The following PRKG1 variants were observed in gnomAD, a reference collection of about 807,000 sequenced individuals.
PRKG1 encodes protein kinase cGMP-dependent 1.
Under a neutral mutation model 88.1 loss-of-function variants are expected in PRKG1, and 35 were observed. The observed-to-expected ratio is 0.40, with a 90% CI of 0.30 to 0.53. The LOEUF (loss-of-function observed/expected upper bound fraction) is 0.53, where lower values mean the gene tolerates loss of function less well. Ranked by LOEUF, PRKG1 falls within the 20% of genes least tolerant of loss-of-function variation. The probability of loss-of-function intolerance (pLI) is 0.59; values close to 1 mark genes in which losing one functional copy is unlikely to be tolerated. For synonymous variants in PRKG1, 303 were observed against 292.5 expected, an observed-to-expected ratio of 1.04 and a Z score of -0.37; for missense variants, 540 against 839.8, an observed-to-expected ratio of 0.64 and a Z score of 4.41.
intron 3 of PRKG1, among the ~76,000 whole-genome samples, chr10:51,511,818 G>A (rs546346315): frequency 5.5e-4 from 83 of 152,200 alleles, no homozygotes; most frequent in African/African-American, 1.7e-3. Context: ...AGGTAGCAAC[G>A]ATCATAGTCA....
chr10:52,023,230 G>A (rs1374154807), intron 5 of PRKG1, among the ~76,000 whole-genome samples: 2 of 152,110 alleles, frequency 1.3e-5, no homozygotes, highest in Non-Finnish European at 2.9e-5. Flanking sequence ...CCATGTCCCT[G>A]CAAAGGACAT....
At chr10:51,760,715 G>C (rs1837998868) in intron 3 of PRKG1, among the ~76,000 whole-genome samples, 1 of 151,912 alleles carries the variant, frequency 6.6e-6, no homozygotes. Context: ...CAGGTGATCT[G>C]TCTGCCTCGG....
At chr10:52,239,773 C>T (rs1468975894) in intron 9 of PRKG1, among the ~76,000 whole-genome samples, 3 of 152,004 alleles carry the variant, frequency 2.0e-5, no homozygotes, top group Admixed American at 2.0e-4. Flanking sequence ...TTTTCCCAAA[C>T]TTCTGTAACG....
chr10:51,698,920 G>A, intron 3 of PRKG1: 2 of 1,614,186 alleles, frequency 1.2e-6, no homozygotes, highest in Non-Finnish European at 1.7e-6. Context: ...CAGGGCCAGA[G>A]ACAGACACAG....
chr10:52,089,804 CT>C (rs397846439), intron 7 of PRKG1, among the ~76,000 whole-genome samples: 2,517 of 67,560 alleles, frequency 0.037, 13 homozygotes, highest in Middle Eastern at 0.078. Context: ...TTCTTTCCTT[CT>C]TTTTTTTTTT....
At chr10:51,884,779 T>C (rs1207071493) in intron 4 of PRKG1, among the ~76,000 whole-genome samples, 1 of 152,182 alleles carries the variant, frequency 6.6e-6, no homozygotes, top group African/African-American at 2.4e-5. Flanking sequence ...AAATGTAAGC[T>C]ACAGGCCTTT....
At chr10:51,593,016 CAG>C (rs1838351466) in intron 3 of PRKG1, among the ~76,000 whole-genome samples, 1 of 152,122 alleles carries the variant, frequency 6.6e-6, no homozygotes, top group African/African-American at 2.4e-5. Context: ...ATTTAAAAGA[CAG>C]GTTTTGATAT....
At chr10:51,698,161 A>G in intron 3 of PRKG1, 3 of 1,613,084 alleles carry the variant, frequency 1.9e-6, no homozygotes, top group Non-Finnish European at 2.5e-6. Context: ...AACTGGGGAC[A>G]GGGCCCCTCA....
At chr10:51,771,290 T>C (rs990194381) in intron 3 of PRKG1, among the ~76,000 whole-genome samples, 4 of 152,218 alleles carry the variant, frequency 2.6e-5, no homozygotes, top group African/African-American at 9.6e-5. Context: ...TAAAAGATCA[T>C]ATGCAGTGCA....
intron 4 of PRKG1, among the ~76,000 whole-genome samples, chr10:51,861,301 G>C (rs147340087): frequency 6.6e-6 from 1 of 152,252 alleles, no homozygotes; most frequent in African/African-American, 2.4e-5. Context: ...TTGTCAACTT[G>C]GATAGAGTTT....
chr10:51,289,543 A>C (rs1395542835), intron 2 of PRKG1, among the ~76,000 whole-genome samples: 2 of 152,110 alleles, frequency 1.3e-5, no homozygotes, highest in Admixed American at 6.6e-5. Flanking sequence ...GTCCAAATTA[A>C]GAGATTGTAC....
intron 3 of PRKG1, among the ~76,000 whole-genome samples, chr10:51,651,424 C>T (rs538477509): frequency 6.6e-6 from 1 of 152,028 alleles, no homozygotes; most frequent in African/African-American, 2.4e-5. Context: ...CTATAGGTTA[C>T]CCCTGTTCCA....
intron 8 of PRKG1, among the ~76,000 whole-genome samples, chr10:52,137,890 G>C (rs1837471679): frequency 6.6e-6 from 1 of 152,102 alleles, no homozygotes; most frequent in South Asian, 2.1e-4. Context: ...GTTATGGGAA[G>C]CTGTTTAAAC....
At chr10:51,796,475 C>G (rs1269736126) in intron 3 of PRKG1, among the ~76,000 whole-genome samples, 4 of 152,008 alleles carry the variant, frequency 2.6e-5, no homozygotes, top group Admixed American at 6.6e-5. Flanking sequence ...TTCACATTAG[C>G]CTCATTCCAA....
chr10:52,075,837 G>A (rs1006944792), intron 7 of PRKG1, among the ~76,000 whole-genome samples: 1 of 152,042 alleles, frequency 6.6e-6, no homozygotes, highest in Non-Finnish European at 1.5e-5. Context: ...AAAACCACCT[G>A]CTCTCTGGTA....
intron 3 of PRKG1, among the ~76,000 whole-genome samples, chr10:51,645,222 T>G (rs1182215557): frequency 1.3e-5 from 2 of 152,220 alleles, no homozygotes; most frequent in Admixed American, 1.3e-4. Context: ...AGCTGTTTGT[T>G]TACATGTACA....
intron 3 of PRKG1, chr10:51,697,865 A>C (rs761744752): frequency 6.2e-7 from 1 of 1,613,904 alleles, no homozygotes; most frequent in Non-Finnish European, 8.5e-7. Flanking sequence ...CCCAGGACTA[A>C]AACTGCTAGG....
At chr10:51,094,858 A>C (rs1844491413) in intron 1 of PRKG1, among the ~76,000 whole-genome samples, 1 of 152,158 alleles carries the variant, frequency 6.6e-6, no homozygotes, top group African/African-American at 2.4e-5. Flanking sequence ...TAACATTTAT[A>C]TTTCAGACTG....
intron 3 of PRKG1, among the ~76,000 whole-genome samples, chr10:51,517,162 C>T (rs188109998): frequency 9.9e-5 from 15 of 151,972 alleles, no homozygotes; most frequent in East Asian, 1.9e-4. Context: ...TCTAAGGAAA[C>T]GAAGATCAGA....
Sources: gnomAD v4.1 joint callset for allele counts (sites outside exome capture counted in the v4.1 genomes callset) on GRCh38, gnomAD v4.1.1 for gene constraint, MANE v1.5 for transcripts, NCBI Gene and HGNC (gene_info 2026-07-23, HGNC 2026-07-21) for gene names.